Variants in DPYD observed in about 807,000 individuals in gnomAD.
DPYD encodes the protein dihydropyrimidine dehydrogenase, also known as dihydropyrimidine dehydrogenase [NADP(+)].
A neutral mutation model predicts 116.2 loss-of-function variants in DPYD; 109 were observed. The ratio of observed to expected loss-of-function variants is 0.94; its 90% CI spans 0.80 to 1.10. The LOEUF is 1.10. DPYD is among the 50% of genes least tolerant of loss of function. The pLI, the probability that DPYD is intolerant of heterozygous loss-of-function variation, is 0.00. For synonymous variants in DPYD, 440 were observed against 432.0 expected (o/e 1.02, Z -0.23); for missense variants, 1,302 against 1,254.5 (o/e 1.04, Z -0.57).
intron 13 of DPYD, among the ~76,000 whole-genome samples, chr1:97,497,160 T>C (rs183974770): frequency 6.5e-4 from 99 of 152,062 alleles, no homozygotes; most frequent in Non-Finnish European, 1.0e-3. Context: ...CCTAGAGTAA[T>C]GATCTTTCTC....
At chr1:97,233,848 G>C (rs974469087) in intron 19 of DPYD, among the ~76,000 whole-genome samples, 1 of 152,150 alleles carries the variant, frequency 6.6e-6, no homozygotes, top group African/African-American at 2.4e-5. Flanking sequence ...TGTATACAGT[G>C]GGAGGCACAG....
intron 11 of DPYD, among the ~76,000 whole-genome samples, chr1:97,550,586 C>T (rs958434049): frequency 1.3e-5 from 2 of 152,144 alleles, no homozygotes; most frequent in African/African-American, 2.4e-5. Flanking sequence ...AGGTGGACAA[C>T]ACCCTATTTG....
At chr1:97,232,591 CT>C (rs546021097) in intron 19 of DPYD, among the ~76,000 whole-genome samples, 1,767 of 151,996 alleles carry the variant, frequency 0.012, 40 homozygotes, top group African/African-American at 0.04. Context: ...TTTCTTCAGT[CT>C]TTTTTTCTCT....
intron 8 of DPYD, among the ~76,000 whole-genome samples, chr1:97,678,050 C>T (rs1660239858): frequency 6.6e-6 from 1 of 152,078 alleles, no homozygotes; most frequent in Admixed American, 6.5e-5. Context: ...ACCTTTTTGG[C>T]ACCAAGGACC....
chr1:97,565,969 A>G (rs1456515833), intron 11 of DPYD, among the ~76,000 whole-genome samples: 1 of 152,206 alleles, frequency 6.6e-6, no homozygotes, highest in Non-Finnish European at 1.5e-5. Context: ...TATATTTTTT[A>G]CAGCTTTTTA....
chr1:97,506,183 G>T (rs1342110482), intron 13 of DPYD, among the ~76,000 whole-genome samples: 2 of 151,936 alleles, frequency 1.3e-5, no homozygotes, highest in East Asian at 3.9e-4. Context: ...ATGTAGGTAT[G>T]CCTTTAATAA....
intron 8 of DPYD, among the ~76,000 whole-genome samples, chr1:97,636,696 AG>A (rs1657581350): frequency 6.6e-6 from 1 of 152,176 alleles, no homozygotes; most frequent in East Asian, 1.9e-4. Context: ...AGATCAACAC[AG>A]CTTTACAATG....
chr1:97,897,445 T>C (rs918633890), intron 1 of DPYD, among the ~76,000 whole-genome samples: 3 of 151,868 alleles, frequency 2.0e-5, no homozygotes, highest in Non-Finnish European at 4.4e-5. Context: ...TTTTTACAAA[T>C]ATTTTCTTCT....
At chr1:97,308,150 C>T (rs1667277516) in intron 16 of DPYD, among the ~76,000 whole-genome samples, 1 of 151,714 alleles carries the variant, frequency 6.6e-6, no homozygotes, top group South Asian at 2.1e-4. Flanking sequence ...GACATTTTTC[C>T]TGATTTTCAC....
chr1:97,465,473 T>C (rs374394286), intron 13 of DPYD, among the ~76,000 whole-genome samples: 9 of 152,244 alleles, frequency 5.9e-5, no homozygotes, highest in African/African-American at 2.2e-4. Flanking sequence ...TTCCCATGTG[T>C]TGTGGGAGGG....
At chr1:97,306,719 A>G (rs1667196035) in intron 16 of DPYD, among the ~76,000 whole-genome samples, 2 of 151,970 alleles carry the variant, frequency 1.3e-5, no homozygotes, top group African/African-American at 4.8e-5. Context: ...AGTGAATGAT[A>G]TTAAATCTAA....
At chr1:97,604,832 G>A (rs565735938) in intron 8 of DPYD, among the ~76,000 whole-genome samples, 2 of 152,096 alleles carry the variant, frequency 1.3e-5, no homozygotes, top group Non-Finnish European at 2.9e-5. Flanking sequence ...CCATAAAATA[G>A]GTAAATCATC....
intron 8 of DPYD, among the ~76,000 whole-genome samples, 178 bp downstream of exon 8, chr1:97,678,917 C>G (rs1163367021): frequency 1.3e-5 from 2 of 152,074 alleles, no homozygotes. Context: ...TAAGGTGAAA[C>G]AGCACTCCTA....
At chr1:97,082,883 A>T (rs290853) in intron 21 of DPYD, among the ~76,000 whole-genome samples, 121,438 of 152,066 alleles carry the variant, frequency 0.8, 48,900 homozygotes, top group East Asian at 0.99. Context: ...TAGATTGCTC[A>T]TAATGAAGGG....
At chr1:97,164,550 C>T (rs1656171975) in intron 20 of DPYD, among the ~76,000 whole-genome samples, 1 of 152,204 alleles carries the variant, frequency 6.6e-6, no homozygotes, top group East Asian at 1.9e-4. Context: ...CCCAAAAGTT[C>T]CTTCAGCTGA....
At chr1:97,488,701 AG>A (rs1167060953) in intron 13 of DPYD, among the ~76,000 whole-genome samples, 1 of 152,192 alleles carries the variant, frequency 6.6e-6, no homozygotes, top group African/African-American at 2.4e-5. Context: ...CCACAAGACA[AG>A]ACATGTCCAC....
chr1:97,102,443 A>G (rs1369008967), intron 20 of DPYD, among the ~76,000 whole-genome samples: 1 of 82,938 alleles, frequency 1.2e-5, no homozygotes, highest in African/African-American at 4.4e-5. Context: ...CTTATTCAGT[A>G]TAAACCTGAA....
intron 14 of DPYD, among the ~76,000 whole-genome samples, chr1:97,391,525 G>A (rs904661500): frequency 6.6e-6 from 1 of 151,854 alleles, no homozygotes; most frequent in Non-Finnish European, 1.5e-5. Context: ...TATGGAGTGA[G>A]GTGCAGGCAT....
chr1:97,333,360 C>T (rs1384141082), intron 16 of DPYD, among the ~76,000 whole-genome samples: 2 of 151,942 alleles, frequency 1.3e-5, no homozygotes, highest in Admixed American at 6.6e-5. Context: ...TCGGTCTATT[C>T]CTGTAGTCTC....
Sources: gnomAD v4.1 joint callset for allele counts (sites outside exome capture counted in the v4.1 genomes callset) on GRCh38, gnomAD v4.1.1 for gene constraint, MANE v1.5 for transcripts, NCBI Gene and HGNC (gene_info 2026-07-23, HGNC 2026-07-21) for gene names.